The following EFCC1 variants were observed in gnomAD, a reference collection of about 807,000 sequenced individuals.
EFCC1 encodes the protein EF-hand and coiled-coil domain containing 1.
A neutral mutation model predicts 52.1 loss-of-function variants in EFCC1; 50 were observed. That is an observed-to-expected ratio of 0.96 (90% confidence interval 0.76 to 1.21). EFCC1 has a LOEUF of 1.21. EFCC1 is among the 50% of genes most tolerant of loss of function. EFCC1 has a pLI of 0.00. For missense variants in EFCC1, 837 were observed against 867.3 expected, an observed-to-expected ratio of 0.97 and a Z score of 0.44; for synonymous variants, 399 against 396.5, an observed-to-expected ratio of 1.01 and a Z score of -0.08.
chr3:129,010,268 C>G lies in EFCC1; in HGVS notation c.980+6191C>G, dbSNP rs528551431. On this transcript the variant is annotated intron_variant, in intron 2 of 7. Coordinates refer to ENST00000683648, the MANE Select transcript of EFCC1 (RefSeq NM_001377500.1). This position sits in a 1 kb window ranked among gnomAD's most constrained non-coding sequence, Gnocchi z 4.3. Reference sequence around the variant, plus strand: ...AACCGCCCATATCTCAACCAGTTGCCTGGCCTGGCCCCCTACCCTGCTCTG... The same window carrying G: ...AACCGCCCATATCTCAACCAGTTGCGTGGCCTGGCCCCCTACCCTGCTCTG... Among the ~76,000 whole-genome samples the G allele has an allele frequency of 1.3e-5, 2 of 152,254 alleles. No homozygotes were observed. Among genetic ancestry groups the G allele is most frequent in the African/African-American group, 2.4e-5 (1 of 41,464 alleles).
At chr3:129,019,255 T>C (rs1187034334) in intron 2 of EFCC1, among the ~76,000 whole-genome samples, 1 of 152,198 alleles carries the variant, frequency 6.6e-6, no homozygotes, top group African/African-American at 2.4e-5. Context: ...TTTGTTTTAA[T>C]TGTATCTTTT....
Position 129,014,806 on chromosome 3 carries a change from A to G in EFCC1, c.980+10729A>G, listed in dbSNP as rs560840378. On this transcript the variant is annotated intron_variant, in intron 2 of 7. Coordinates refer to ENST00000683648, the MANE Select transcript of EFCC1 (RefSeq NM_001377500.1). This position sits in a 1 kb window ranked among gnomAD's most constrained non-coding sequence, Gnocchi z 4.3. ...AGCTTGGCTTGTCTGCACTGCCTGC[A>G]CGGGGACGAGCAGGTTGGAGCCAGC... Among the ~76,000 whole-genome samples, 3 of 152,240 alleles carry G rather than the reference A, an allele frequency of 2.0e-5. No homozygotes were observed. In the East Asian group the frequency reaches 5.8e-4, roughly 29 times the overall value.
At chr3:129,005,191 G>A (rs1945015671) in intron 2 of EFCC1, among the ~76,000 whole-genome samples, 1 of 152,266 alleles carries the variant, frequency 6.6e-6, no homozygotes, top group African/African-American at 2.4e-5. Flanking sequence ...CCACCTGTGA[G>A]CAGGTGAGAC....
chr3:129,019,548 A>G (rs1559965814), intron 2 of EFCC1, among the ~76,000 whole-genome samples: 1 of 152,042 alleles, frequency 6.6e-6, no homozygotes, highest in African/African-American at 2.4e-5. Flanking sequence ...TAGTACAAAC[A>G]AGAGAGAACT....
chr3:129,029,107 C>T (rs1475917079), intron 2 of EFCC1, among the ~76,000 whole-genome samples: 2 of 152,156 alleles, frequency 1.3e-5, no homozygotes, highest in Non-Finnish European at 2.9e-5. Flanking sequence ...CCGTGTCCCC[C>T]TGACCAACAC....
At chr3:129,019,291 C>A (rs755886370) in intron 2 of EFCC1, among the ~76,000 whole-genome samples, 4 of 152,176 alleles carry the variant, frequency 2.6e-5, no homozygotes, top group Non-Finnish European at 2.9e-5. Context: ...CTGGAGTCTA[C>A]CCTTTTGGGT....
chr3:129,002,363 G>C (rs986682985), intron 1 of EFCC1, 39 bp downstream of exon 1: 2 of 1,490,948 alleles, frequency 1.3e-6, no homozygotes, highest in African/African-American at 2.9e-5. Context: ...TAACGCCCGG[G>C]AGAGGGCTCG....
chr3:129,022,758 T>C (rs187159334), intron 2 of EFCC1, among the ~76,000 whole-genome samples: 122 of 152,314 alleles, frequency 8.0e-4, no homozygotes, highest in Middle Eastern at 3.4e-3. Flanking sequence ...GAGTGACAAG[T>C]GTCTCTGCAG....
At chr3:129,021,923 G>A (rs776369639) in intron 2 of EFCC1, among the ~76,000 whole-genome samples, 10 of 151,898 alleles carry the variant, frequency 6.6e-5, no homozygotes, top group African/African-American at 2.2e-4. Context: ...GGCATATTAC[G>A]TATTCAGCTC....
Position 129,034,242 on chromosome 3 carries a change from G to A in EFCC1, c.1365G>A (p.Gly455=). 6.2e-7 allele frequency: 1 copy of A among 1,614,204 alleles called. No individual in the cohort carries two copies. Among genetic ancestry groups the A allele is most frequent in the Non-Finnish European group, 8.5e-7 (1 of 1,180,038 alleles). ...FGGANHAHTL[G]ELEACIAMLV... is the part of the protein sequence containing the mutation. ...GTGCCAACCATGCCCATACCCTGGG[G>A]GAGCTGGAGGCCTGCATTGCCATGC... The change falls in exon 5 of 8, where the codon GGG becomes GGA. Residue 455 remains glycine, a synonymous_variant. Transcript: ENST00000683648.
In EFCC1 at chr3:129,036,971, T is replaced by G; in HGVS notation, c.1453-6T>G. The G allele has an allele frequency of 6.2e-7, 1 of 1,613,580 alleles. No individual in the cohort carries two copies. Among genetic ancestry groups the G allele is most frequent in the East Asian group, 2.2e-5 (1 of 44,872 alleles). On this transcript the variant is annotated splice_polypyrimidine_tract_variant and splice_region_variant and intron_variant, in intron 5 of 7. Coordinates refer to ENST00000683648, the MANE Select transcript of EFCC1 (RefSeq NM_001377500.1). ...AAAGTGAGCACTGAGCCCCTTCTCT[T>G]CCCAGGCAGAGTTGCAGCAGAAGGT...
intron 5 of EFCC1, among the ~76,000 whole-genome samples, chr3:129,035,965 T>TCTA (rs1202847963): frequency 1.2e-4 from 18 of 152,246 alleles, no homozygotes; most frequent in Admixed American, 3.3e-4. Flanking sequence ...TGTCCCTGTT[T>TCTA]CTAGCACTCT....
At chr3:129,024,130 A>G (rs894580891) in intron 2 of EFCC1, among the ~76,000 whole-genome samples, 2 of 152,222 alleles carry the variant, frequency 1.3e-5, no homozygotes, top group African/African-American at 4.8e-5. Context: ...TGAGAGAGAA[A>G]CACCATAACA....
At chr3:129,023,665 A>C (rs937141209) in intron 2 of EFCC1, among the ~76,000 whole-genome samples, 5 of 152,188 alleles carry the variant, frequency 3.3e-5, no homozygotes, top group Non-Finnish European at 7.3e-5. Context: ...AATGGTTACT[A>C]TTTATGGCAA....
At chr3:129,023,276 A>G (rs762081151) in intron 2 of EFCC1, among the ~76,000 whole-genome samples, 8 of 151,400 alleles carry the variant, frequency 5.3e-5, no homozygotes, top group Non-Finnish European at 7.4e-5. Context: ...CACTCAAAGT[A>G]CAGAGACAGC....
chr3:129,037,232 C>A, intron 6 of EFCC1, 115 bp downstream of exon 6: 5 of 1,355,742 alleles, frequency 3.7e-6, no homozygotes, highest in Non-Finnish European at 4.8e-6. Context: ...CAGCTGTTAT[C>A]CCATTTTACA....
chr3:129,005,305 G>A (rs914631216), intron 2 of EFCC1, among the ~76,000 whole-genome samples: 1 of 152,222 alleles, frequency 6.6e-6, no homozygotes. Context: ...CGGGCCAGAT[G>A]GAGAGAGGAG....
chr3:129,007,573 C>T (rs1945127771), intron 2 of EFCC1, among the ~76,000 whole-genome samples: 1 of 152,260 alleles, frequency 6.6e-6, no homozygotes, highest in South Asian at 2.1e-4. Flanking sequence ...TTCACAGATA[C>T]TGACTCACGC....
chr3:129,011,694 G>T (rs1451399307), intron 2 of EFCC1, among the ~76,000 whole-genome samples: 1 of 152,152 alleles, frequency 6.6e-6, no homozygotes, highest in African/African-American at 2.4e-5. Context: ...CTCTGTCGAG[G>T]TGGCTGATCA....
Sources: allele counts gnomAD v4.1 joint callset (sites outside exome capture counted in the v4.1 genomes callset), GRCh38; gene constraint gnomAD v4.1.1; non-coding constraint Gnocchi (gnomAD v3.1); transcripts MANE v1.5; gene names NCBI Gene and HGNC (gene_info 2026-07-23, HGNC 2026-07-21).